The following NBPF12 variants were observed in gnomAD, a reference collection of about 807,000 sequenced individuals.
The protein encoded by NBPF12 is NBPF member 12.
In NBPF12, 115 loss-of-function variants were observed where a neutral mutation model predicts 146.4. That is an observed-to-expected ratio of 0.79 (90% CI 0.68 to 0.92). NBPF12 has a LOEUF of 0.92. Ranked by LOEUF, NBPF12 falls within the 40% of genes least tolerant of loss-of-function variation. The pLI, the probability that NBPF12 is intolerant of heterozygous loss-of-function variation, is 0.00. For missense variants in NBPF12, 1,205 were observed against 1,326.8 expected (o/e 0.91, Z 1.43); for synonymous variants, 385 against 508.9 (o/e 0.76, Z 3.28).
chr1:146,938,717 C>T (rs1452052863), upstream of NBPF12: 1 of 152,136 alleles, frequency 6.6e-6, no homozygotes, highest in African/African-American at 2.4e-5. Context: ...GCGCCTGTGC[C>T]TTGGGCTCTC....
intron 19 of NBPF12, among the ~76,000 whole-genome samples, chr1:146,981,097 A>G (rs1553887902): frequency 0.25 from 32,733 of 131,418 alleles, 4,373 homozygotes; most frequent in South Asian, 0.48. Flanking sequence ...ACAAGGACAC[A>G]GGAAGGGGAA....
intron 19 of NBPF12, among the ~76,000 whole-genome samples, chr1:146,980,527 C>A (rs1159894015): frequency 6.6e-6 from 1 of 151,714 alleles, no homozygotes; most frequent in Admixed American, 6.6e-5. Flanking sequence ...CAAAATCTCT[C>A]AGCATTTGCT....
chr1:146,960,865 G>A (rs1655802332), intron 4 of NBPF12, among the ~76,000 whole-genome samples: 1 of 152,026 alleles, frequency 6.6e-6, no homozygotes, highest in Non-Finnish European at 1.5e-5. Flanking sequence ...CAGGGAGTAG[G>A]GGCCGTGCAG....
Position 146,942,790 on chromosome 1 carries a change from G to A in NBPF12, c.-821-501G>A, listed in dbSNP as rs1485350632. On this transcript the variant is annotated intron_variant, in intron 1 of 35. Transcript: ENST00000617931. ...ATAGACCAGATAGACCAGTAGATGA[G>A]ATTCCAAAGAAGCATTAACTACGCC... Among the ~76,000 whole-genome samples the A allele has an allele frequency of 2.7e-5, 4 of 146,868 alleles. No homozygotes were observed. The East Asian group carries it at 7.9e-4, about 29-fold the overall frequency.
At chr1:146,980,716 G>A (rs1330585659) in intron 19 of NBPF12, among the ~76,000 whole-genome samples, 17 of 151,242 alleles carry the variant, frequency 1.1e-4, no homozygotes, top group African/African-American at 3.9e-4. Flanking sequence ...GTGGAAGGCA[G>A]TGTGGCAATT....
chr1:146,944,566 C>T (rs1654937280), upstream of NBPF12, among the ~76,000 whole-genome samples: 1 of 150,874 alleles, frequency 6.6e-6, no homozygotes, highest in East Asian at 2.0e-4. Flanking sequence ...TTCTTTGGGG[C>T]ACCAGAACTT....
intron 4 of NBPF12, among the ~76,000 whole-genome samples, 163 bp downstream of exon 7, chr1:146,960,481 T>C (rs1158416840): frequency 2.6e-5 from 4 of 151,822 alleles, no homozygotes; most frequent in Non-Finnish European, 4.4e-5. Flanking sequence ...AAGACAGAGG[T>C]ACCAAAGTAT....
intron 4 of NBPF12, 55 bp downstream of exon 7, chr1:146,960,373 T>C (rs1259926053): frequency 9.3e-5 from 126 of 1,355,396 alleles, no homozygotes; most frequent in Non-Finnish European, 1.3e-4. Flanking sequence ...CTGTCTTCTC[T>C]CTGAGACACT....
chr1:146,954,411 AAAG>A (rs1313789627), intron 2 of NBPF12, among the ~76,000 whole-genome samples: 7 of 131,450 alleles, frequency 5.3e-5, no homozygotes, highest in African/African-American at 8.2e-5. Context: ...AAAAAAAAAA[AAAG>A]GAAAGTCAAC....
chr1:146,985,010 T>G, intron 22 of NBPF12, 25 bp downstream of exon 25: 1 of 1,108,866 alleles, frequency 9.0e-7, no homozygotes, highest in East Asian at 2.4e-5. Context: ...ATGAAGGTGA[T>G]AAGGATCCAC....
At chr1:146,943,662 C>T (rs1484654465) in intron 2 of NBPF12, 100 bp downstream of exon 2, 5 of 705,336 alleles carry the variant, frequency 7.1e-6, no homozygotes, top group Non-Finnish European at 7.6e-6. Context: ...CTAAACATCA[C>T]AGGGCCTTGC....
At chr1:146,971,367 T>A (rs1656600111) in exon 13 of NBPF12, 39 of 1,611,510 alleles carry the variant, frequency 2.4e-5, no homozygotes, top group Non-Finnish European at 3.1e-5. Flanking sequence ...TCATGATGAA[T>A]GTCAGGATGC....
rs1655773652 is a variant in NBPF12, at chr1:146,960,369, T to C, written c.175+51T>C. ...GAAAGTGATGAATGATGTCCTGTCT[T>C]CTCTCTGAGACACTAAATGCTCTCT... On this transcript the variant is annotated intron_variant, in intron 4 of 33. Transcript: ENST00000617844. The C allele has an allele frequency of 7.7e-6, 11 of 1,429,944 alleles. 1 individual carries two copies. The South Asian group carries it at 1.3e-4, about 16-fold the overall frequency. The allele number at this position is 1,429,944 out of a possible 1,614,324, so 88.6% of individuals were successfully genotyped here. A position where few individuals can be genotyped will look rare whatever the true frequency, so the allele number is the denominator to read the frequency against.
chr1:146,974,491 T>G (rs1477694574), intron 14 of NBPF12, among the ~76,000 whole-genome samples: 3 of 123,524 alleles, frequency 2.4e-5, no homozygotes, highest in African/African-American at 1.0e-4. Flanking sequence ...TCCACTTCGT[T>G]GTGGTTGAAT....
intron 19 of NBPF12, among the ~76,000 whole-genome samples, chr1:146,981,659 G>A (rs1187066694): frequency 2.4e-4 from 36 of 151,976 alleles, no homozygotes; most frequent in Admixed American, 1.4e-3. Context: ...TTCCCAGCTT[G>A]GTTCCATTCT....
At chr1:146,973,803 A>G (rs1290482844) in intron 14 of NBPF12, among the ~76,000 whole-genome samples, 1 of 144,982 alleles carries the variant, frequency 6.9e-6, no homozygotes, top group Non-Finnish European at 1.5e-5. Flanking sequence ...TAATAATGAG[A>G]AATAAAAATA....
intron 16 of NBPF12, 123 bp from the exon 20 acceptor site, chr1:146,976,806 T>G: frequency 1.8e-6 from 1 of 565,420 alleles, no homozygotes; most frequent in South Asian, 2.0e-5. Flanking sequence ...AGATAAAACA[T>G]GAGAGTTTTC....
chr1:146,981,274 T>C (rs1164245025), intron 19 of NBPF12, among the ~76,000 whole-genome samples: 1 of 43,792 alleles, frequency 2.3e-5, no homozygotes, highest in African/African-American at 1.1e-4. Context: ...AGACTTAAAG[T>C]ATTAAAAAAA....
Position 146,994,710 on chromosome 1 carries a change from C to G in NBPF12, c.*135C>G, listed in dbSNP as rs587681598. The G allele has an allele frequency of 6.3e-6, 9 of 1,436,682 alleles. No individual in the cohort carries two copies. The African/African-American group carries it at 1.3e-4, about 21-fold the overall frequency. The allele number at this position is 1,436,682 out of a possible 1,614,324, so 89.0% of individuals were successfully genotyped here. A position where few individuals can be genotyped will look rare whatever the true frequency, so the allele number is the denominator to read the frequency against. Reference sequence around the variant, plus strand: ...CAGTGGGCATGGCTCTATTCCTATTCTCAGAGCATGCCAGTGGCAACCTGT... The same window carrying G: ...CAGTGGGCATGGCTCTATTCCTATTGTCAGAGCATGCCAGTGGCAACCTGT... On this transcript the variant is annotated 3_prime_UTR_variant, in exon 34 of 34. Transcript: ENST00000617844.
Sources: allele counts gnomAD v4.1 joint callset (sites outside exome capture counted in the v4.1 genomes callset), GRCh38; gene constraint gnomAD v4.1.1; transcripts MANE v1.5; gene names NCBI Gene and HGNC (gene_info 2026-07-23, HGNC 2026-07-21).